ITPR1: variants seen among roughly 807,000 people sequenced by gnomAD.
ITPR1 encodes inositol 1,4,5-trisphosphate-gated calcium channel ITPR1.
In ITPR1, 96 loss-of-function variants were observed where a neutral mutation model predicts 318.4. That is an observed-to-expected ratio of 0.30 (90% CI 0.26 to 0.36). The LOEUF is 0.36. Among genes scored for constraint, ITPR1 ranks in the 10% least tolerant of loss-of-function variants. ITPR1 has a pLI of 1.00. For missense variants in ITPR1, 2,440 were observed against 3,460.2 expected, an observed-to-expected ratio of 0.71 and a Z score of 7.40; for synonymous variants, 1,312 against 1,289.9, an observed-to-expected ratio of 1.02 and a Z score of -0.37.
chr3:4,583,462 G>A (rs1203072688), intron 4 of ITPR1, among the ~76,000 whole-genome samples: 1 of 152,162 alleles, frequency 6.6e-6, no homozygotes, highest in Non-Finnish European at 1.5e-5. Context: ...GCAGGGGCTG[G>A]GATGAGTGCG....
chr3:4,679,565 C>T (rs75577207), intron 24 of ITPR1, among the ~76,000 whole-genome samples: 4,901 of 152,276 alleles, frequency 0.032, 161 homozygotes, highest in Admixed American at 0.082. Flanking sequence ...CCAGGCCCTC[C>T]GTGGATTGGA....
chr3:4,782,480 CTGTG>C, intron 49 of ITPR1, 135 bp from the exon 50 acceptor site: 1 of 735,516 alleles, frequency 1.4e-6, no homozygotes. Context: ...GATTCTGAGG[CTGTG>C]TCCAAGCCCG....
intron 32 of ITPR1, among the ~76,000 whole-genome samples, chr3:4,693,283 G>T (rs781030149): frequency 6.6e-6 from 1 of 152,168 alleles, no homozygotes; most frequent in African/African-American, 2.4e-5. Flanking sequence ...TAGGGCCAGT[G>T]TGGTATTTCT....
intron 42 of ITPR1, among the ~76,000 whole-genome samples, chr3:4,730,666 C>G (rs1212015936): frequency 6.6e-6 from 1 of 151,996 alleles, no homozygotes; most frequent in East Asian, 1.9e-4. Context: ...CAGGGTCTTG[C>G]TGTTCACCCT....
chr3:4,548,546 T>A (rs780316712), intron 4 of ITPR1, among the ~76,000 whole-genome samples: 3 of 152,212 alleles, frequency 2.0e-5, no homozygotes, highest in Non-Finnish European at 2.9e-5. Context: ...TGCCTCCTTA[T>A]GAAATGTACA....
At chr3:4,496,572 GGA>G (rs779236533) in intron 2 of ITPR1, among the ~76,000 whole-genome samples, 17 of 152,144 alleles carry the variant, frequency 1.1e-4, no homozygotes, top group Admixed American at 2.0e-4. Context: ...AATGAGAAGT[GGA>G]ATGGTTGCTT....
Position 4,683,391 on chromosome 3 carries a change from A to G in ITPR1, c.3167A>G (p.Glu1056Gly). Reference protein sequence around the residue: ...QAEGIFGGSEENTPLDLDDHG... With the variant: ...QAEGIFGGSEGNTPLDLDDHG... ...CCCACCTTGTGCTCCTTTAGTGAGG[A>G]GAACACCCCACTGGACTTGGATGAC... The change falls in exon 27 of 62, where the codon GAG becomes GGG. Residue 1056 changes from glutamate (E) to glycine (G), a missense_variant. Transcript: ENST00000649015. The G allele has an allele frequency of 6.2e-7, 1 of 1,614,004 alleles. No individual in the cohort carries two copies. The highest frequency in any genetic ancestry group is 8.5e-7 in the Non-Finnish European group (1 of 1,179,866).
intron 2 of ITPR1, among the ~76,000 whole-genome samples, chr3:4,505,088 C>T (rs1034468513): frequency 4.6e-5 from 7 of 152,226 alleles, no homozygotes; most frequent in South Asian, 4.1e-4. Context: ...TCCTTATCCT[C>T]GGTTCTGAGG....
In ITPR1 at chr3:4,503,095, A is replaced by T. The variant is rs141078059; in HGVS notation, c.-17+8589A>T. 3.1e-4 allele frequency among the ~76,000 whole-genome samples: 47 copies of T among 152,270 alleles called. No individual in the cohort carries two copies. The East Asian group carries it at 5.2e-3, about 17-fold the overall frequency. ...GTGAGACTCCATCTCAATAAAAAGA[A>T]AAAAAGAAAAGCCCTTTATTGCAGA... On this transcript the variant is annotated intron_variant, in intron 2 of 61. Transcript: ENST00000649015.
intron 59 of ITPR1, chr3:4,816,405 C>T (rs2049305153): frequency 6.6e-6 from 1 of 152,214 alleles, no homozygotes; most frequent in Non-Finnish European, 1.5e-5. Flanking sequence ...CTTCTCATTG[C>T]ATCGTATCAG....
chr3:4,676,576 G>C, intron 23 of ITPR1, 38 bp from the exon 24 acceptor site: 1 of 1,555,742 alleles, frequency 6.4e-7, no homozygotes, highest in Non-Finnish European at 8.8e-7. Flanking sequence ...GCATTCTCTA[G>C]AGACATTGTG....
intron 2 of ITPR1, among the ~76,000 whole-genome samples, chr3:4,502,583 G>A: frequency 6.6e-6 from 1 of 151,928 alleles, no homozygotes; most frequent in East Asian, 1.9e-4. Context: ...TGGGTCTACA[G>A]GCATGTGCCA....
rs3792516 is a variant in ITPR1, at chr3:4,835,481, C to T, written c.8029-1293C>T. On this transcript the variant is annotated intron_variant, in intron 60 of 61. Transcript: ENST00000649015. ...GTAGTTGTGACAGAGACCAGGTGGC[C>T]CACAAAGCTGAAAATATTGACACAC... is the stretch of plus-strand genomic sequence containing the variant. Among the ~76,000 whole-genome samples, 96 of 152,128 alleles carry T rather than the reference C, an allele frequency of 6.3e-4. No homozygotes were observed. In the East Asian group the frequency reaches 9.6e-3, roughly 15 times the overall value.
chr3:4,544,680 C>T (rs955545555), intron 4 of ITPR1, among the ~76,000 whole-genome samples: 8 of 152,222 alleles, frequency 5.3e-5, no homozygotes, highest in African/African-American at 1.2e-4. Context: ...TTGCTAACTT[C>T]GTAAAGGGAA....
intron 34 of ITPR1, among the ~76,000 whole-genome samples, chr3:4,698,452 G>A (rs1181888079): frequency 6.6e-6 from 1 of 151,994 alleles, no homozygotes; most frequent in South Asian, 2.1e-4. Flanking sequence ...GGAATGGCAG[G>A]CCTGCTTTAT....
intron 4 of ITPR1, among the ~76,000 whole-genome samples, chr3:4,606,736 A>G (rs556279029): frequency 2.0e-5 from 3 of 152,302 alleles, no homozygotes; most frequent in African/African-American, 7.2e-5. Flanking sequence ...TTTTATCTGT[A>G]GCTATCTGCT....
chr3:4,816,191 T>G (rs1409289495), intron 59 of ITPR1: 1 of 152,216 alleles, frequency 6.6e-6, no homozygotes, highest in Non-Finnish European at 1.5e-5. Context: ...AATTTCACCC[T>G]TCATTCCAAT....
At chr3:4,601,284 C>G (rs1207900911) in intron 4 of ITPR1, among the ~76,000 whole-genome samples, 1 of 148,292 alleles carries the variant, frequency 6.7e-6, no homozygotes. Context: ...TTTGGGAGGC[C>G]AAGGTGGGAG....
chr3:4,574,110 A>G (rs1559472329), intron 4 of ITPR1, among the ~76,000 whole-genome samples: 1 of 152,116 alleles, frequency 6.6e-6, no homozygotes, highest in African/African-American at 2.4e-5. Flanking sequence ...TAATCTGTCT[A>G]CCATTTCTAG....
Sources: gnomAD v4.1 joint callset for allele counts (sites outside exome capture counted in the v4.1 genomes callset) on GRCh38, gnomAD v4.1.1 for gene constraint, MANE v1.5 for transcripts, NCBI Gene and HGNC (gene_info 2026-07-23, HGNC 2026-07-21) for gene names.